XYLT1: variants seen among roughly 807,000 people sequenced by gnomAD.
XYLT1 encodes the protein xylosyltransferase 1, also known as beta-D-xylosyltransferase 1.
Under a neutral mutation model 91.3 loss-of-function variants are expected in XYLT1, and 36 were observed. The observed-to-expected ratio is 0.39, with a 90% CI of 0.30 to 0.52. The LOEUF is 0.52. Among genes scored for constraint, XYLT1 ranks in the 20% least tolerant of loss-of-function variants. The pLI, the probability that XYLT1 is intolerant of heterozygous loss-of-function variation, is 0.68. For synonymous variants in XYLT1, 588 were observed against 532.0 expected (o/e 1.11, Z -1.45); for missense variants, 1,242 against 1,284.5 (o/e 0.97, Z 0.51).
At chr16:17,174,533 A>T (rs1542419) in intron 5 of XYLT1, among the ~76,000 whole-genome samples, 50,576 of 152,068 alleles carry the variant, frequency 0.33, 9,211 homozygotes, top group South Asian at 0.48. Flanking sequence ...TACCCACATG[A>T]TGTATGATTC....
At chr16:17,436,035 C>G (rs1461051885) in intron 1 of XYLT1, among the ~76,000 whole-genome samples, 3 of 152,140 alleles carry the variant, frequency 2.0e-5, no homozygotes, top group Non-Finnish European at 4.4e-5. Flanking sequence ...TTTCCCCCAT[C>G]CTGTTCTCAT....
intron 1 of XYLT1, among the ~76,000 whole-genome samples, chr16:17,459,672 C>T (rs901847200): frequency 1.3e-5 from 2 of 152,206 alleles, no homozygotes; most frequent in Non-Finnish European, 2.9e-5. Flanking sequence ...TCCTTCGCTG[C>T]ATTTGTAACA....
intron 5 of XYLT1, among the ~76,000 whole-genome samples, chr16:17,167,413 T>G (rs772081238): frequency 8.5e-5 from 13 of 152,240 alleles, no homozygotes; most frequent in Non-Finnish European, 1.6e-4. Flanking sequence ...CCCTGCCTCA[T>G]GAATGGATTC....
chr16:17,227,946 C>A (rs969510712), intron 3 of XYLT1: 12 of 152,302 alleles, frequency 7.9e-5, no homozygotes, highest in African/African-American at 2.9e-4. Context: ...TGGGGAATAA[C>A]AGGGTTATTC....
chr16:17,326,657 A>C (rs36017291), intron 2 of XYLT1, among the ~76,000 whole-genome samples: 51,592 of 151,662 alleles, frequency 0.34, 9,618 homozygotes, highest in Admixed American at 0.48. Flanking sequence ...CCCCTTATCT[A>C]TTAAAAAATA....
At chr16:17,306,577 T>TATATATATATATATA (rs1596474405) in intron 2 of XYLT1, among the ~76,000 whole-genome samples, 1 of 151,542 alleles carries the variant, frequency 6.6e-6, no homozygotes, top group Admixed American at 6.6e-5. Flanking sequence ...TATATATATA[T>TATATATATATATATA]TCCCTCTAAG....
At position 17,253,823 on chromosome 16, in the gene XYLT1, TGAGAGAGA is replaced by T. The variant is rs3060128; in HGVS notation, c.913+5157_913+5164del. On this transcript the variant is annotated intron_variant, in intron 3 of 11. Coordinates refer to ENST00000261381, the MANE Select transcript of XYLT1 (RefSeq NM_022166.4). ...CCCTGCCTTCTTCTCCCTTGCAACT[TGAGAGAGA>T]GAGAGAGAGAGAGAGAGAGAGAGAG... is the stretch of plus-strand genomic sequence containing the variant. 2.1e-3 allele frequency among the ~76,000 whole-genome samples: 242 copies of T among 114,884 alleles called. 1 individual carries two copies. Among genetic ancestry groups the T allele is most frequent in the South Asian group, 6.9e-3 (23 of 3,318 alleles). The allele number at this position is 114,884 out of a possible 152,430, so 75.4% of individuals were successfully genotyped here. A position where few individuals can be genotyped will look rare whatever the true frequency, so the allele number is the denominator to read the frequency against.
chr16:17,448,973 G>A (rs1028140320), intron 1 of XYLT1, among the ~76,000 whole-genome samples: 2 of 152,184 alleles, frequency 1.3e-5, no homozygotes, highest in Non-Finnish European at 2.9e-5. Flanking sequence ...GCCAGGCTGC[G>A]AACTCCGGCA....
chr16:17,443,595 T>C (rs1350887601), intron 1 of XYLT1, among the ~76,000 whole-genome samples: 1 of 152,228 alleles, frequency 6.6e-6, no homozygotes, highest in African/African-American at 2.4e-5. Flanking sequence ...ACCTCTTTTG[T>C]TTATAAATTA....
At chr16:17,414,806 G>C (rs1419496708) in intron 1 of XYLT1, among the ~76,000 whole-genome samples, 1 of 152,090 alleles carries the variant, frequency 6.6e-6, no homozygotes, top group Admixed American at 6.6e-5. Context: ...ACCCTCAACT[G>C]CCGTTTGCTC....
chr16:17,423,078 G>A (rs2036268736), intron 1 of XYLT1, among the ~76,000 whole-genome samples: 1 of 152,142 alleles, frequency 6.6e-6, no homozygotes, highest in African/African-American at 2.4e-5. Flanking sequence ...TTAAGAATTT[G>A]ACGGAACAAT....
intron 5 of XYLT1, among the ~76,000 whole-genome samples, chr16:17,180,062 C>T (rs989383033): frequency 2.0e-5 from 3 of 152,224 alleles, no homozygotes; most frequent in Non-Finnish European, 4.4e-5. Flanking sequence ...TCCCATCTCA[C>T]CAGATGGCTG....
chr16:17,354,173 T>C (rs1408153449), intron 2 of XYLT1, among the ~76,000 whole-genome samples: 7 of 152,202 alleles, frequency 4.6e-5, no homozygotes, highest in Non-Finnish European at 8.8e-5. Flanking sequence ...GGAGCATTCA[T>C]CACTGCAAGT....
intron 2 of XYLT1, among the ~76,000 whole-genome samples, chr16:17,313,154 G>GCTGC (rs2034575911): frequency 6.6e-6 from 1 of 152,224 alleles, no homozygotes; most frequent in South Asian, 2.1e-4. Context: ...ACTGGCCTGG[G>GCTGC]CTGCCTGCCA....
At chr16:17,431,582 C>T (rs1197117255) in intron 1 of XYLT1, among the ~76,000 whole-genome samples, 1 of 152,172 alleles carries the variant, frequency 6.6e-6, no homozygotes, top group Non-Finnish European at 1.5e-5. Context: ...AAGGGGAATA[C>T]CATGTCATTG....
chr16:17,310,862 A>G (rs1276104907), intron 2 of XYLT1, among the ~76,000 whole-genome samples: 1 of 152,128 alleles, frequency 6.6e-6, no homozygotes, highest in Non-Finnish European at 1.5e-5. Flanking sequence ...AATAATAATA[A>G]TAAAGGAGAG....
intron 1 of XYLT1, among the ~76,000 whole-genome samples, chr16:17,462,045 T>C (rs2141960553): frequency 6.6e-6 from 1 of 152,320 alleles, no homozygotes; most frequent in South Asian, 2.1e-4. Context: ...TCAACCTCTC[T>C]GCCCCACAAA....
At chr16:17,405,118 G>A (rs369610831) in intron 1 of XYLT1, among the ~76,000 whole-genome samples, 5 of 152,196 alleles carry the variant, frequency 3.3e-5, no homozygotes, top group African/African-American at 4.8e-5. Context: ...TCAATGTCGC[G>A]GCTGTGCAGA....
chr16:17,377,167 ACT>A (rs1391890027), intron 1 of XYLT1, among the ~76,000 whole-genome samples: 2 of 151,824 alleles, frequency 1.3e-5, no homozygotes, highest in South Asian at 2.1e-4. Context: ...ACAGAGTGAG[ACT>A]CTGCCTCACA....
Sources: gnomAD v4.1 joint callset for allele counts (sites outside exome capture counted in the v4.1 genomes callset) on GRCh38, gnomAD v4.1.1 for gene constraint, MANE v1.5 for transcripts, NCBI Gene and HGNC (gene_info 2026-07-23, HGNC 2026-07-21) for gene names.